The following KRCC1 variants were observed in gnomAD, a reference collection of about 807,000 sequenced individuals.
The protein encoded by KRCC1 is lysine-rich coiled-coil protein 1.
In KRCC1, 3 loss-of-function variants were observed where a neutral mutation model predicts 7.4. The observed-to-expected ratio is 0.40, with a 90% CI of 0.18 to 1.04. The LOEUF (loss-of-function observed/expected upper bound fraction) is 1.04, where lower values mean the gene tolerates loss of function less well. Among genes scored for constraint, KRCC1 ranks in the 50% least tolerant of loss-of-function variants. The pLI is 0.33. For missense variants in KRCC1, 277 were observed against 300.9 expected, an observed-to-expected ratio of 0.92 and a Z score of 0.59; for synonymous variants, 102 against 101.6, an observed-to-expected ratio of 1.00 and a Z score of -0.02.
At chr2:88,053,913 G>T (rs1467672759) in intron 1 of KRCC1, among the ~76,000 whole-genome samples, 1 of 152,160 alleles carries the variant, frequency 6.6e-6, no homozygotes, top group Non-Finnish European at 1.5e-5. Flanking sequence ...CTTTCACTCT[G>T]AAGACAAAAA....
At position 88,036,731 on chromosome 2, in the gene KRCC1, A is replaced by G. The variant is rs192381134; in HGVS notation, c.-182+212T>C. Among the ~76,000 whole-genome samples, 104 of 152,296 alleles carry G rather than the reference A, an allele frequency of 6.8e-4. No homozygotes were observed. The East Asian group carries it at 0.015, about 23-fold the overall frequency. ...GGATAAGGTAGAAGACAGAATGGAG[A>G]AAGGAAAAGAAAATGAGCTTCAGAA... On this transcript the variant is annotated intron_variant, in intron 2 of 3. Coordinates refer to ENST00000347055, the MANE Select transcript of KRCC1 (RefSeq NM_016618.3).
At chr2:88,051,006 C>T (rs1011413924) in intron 1 of KRCC1, among the ~76,000 whole-genome samples, 1 of 151,440 alleles carries the variant, frequency 6.6e-6, no homozygotes, top group Non-Finnish European at 1.5e-5. Context: ...TCACCGTAGC[C>T]TCGACCTCCT....
rs1409217669 is a variant in KRCC1 at position 88,034,233 on chromosome 2, T to TA, written c.-123dup. The TA allele has an allele frequency of 6.6e-6, 1 of 152,610 alleles. No individual in the cohort carries two copies. The highest frequency in any genetic ancestry group is 2.4e-5 in the African/African-American group (1 of 41,446). The allele number at this position is 152,610 out of a possible 1,614,324, so 9.5% of individuals were successfully genotyped here. ...TGAGACTACACAATAACTGGTGAGC[T>TA]AAAAACCACAATTCAGAGATCAAAA... On this transcript the variant is annotated 5_prime_UTR_variant, in exon 3 of 4. Coordinates refer to ENST00000347055, the MANE Select transcript of KRCC1 (RefSeq NM_016618.3).
chr2:88,027,987 T>G lies in KRCC1; in HGVS notation c.577A>C (p.Lys193Gln). The change falls in exon 4 of 4, where the codon AAG (lysine) becomes CAG (glutamine). Residue 193 changes from lysine to glutamine, a missense_variant. Physicochemically the swap from Lys to Gln is moderately conservative, Grantham distance 53 (BLOSUM62 1). Transcript: ENST00000347055. Reference sequence around the variant, plus strand: ...TCTGTTTTCTTTCTTTGGATGCTCTTGTGTTTGTCTAAGTCAATTTCCTCG... The same window carrying G: ...TCTGTTTTCTTTCTTTGGATGCTCTGGTGTTTGTCTAAGTCAATTTCCTCG... ...SCEEIDLDKH[K>Q]SIQRKKTEVE... 1 of 1,614,002 alleles carries G rather than the reference T, an allele frequency of 6.2e-7. No individual in the cohort carries two copies. Among genetic ancestry groups the G allele is most frequent in the Non-Finnish European group, 8.5e-7 (1 of 1,179,996 alleles).
chr2:88,027,907 C>T lies in KRCC1; in HGVS notation c.657G>A (p.Glu219=), dbSNP rs773170347. The part of the protein sequence containing the change: ...VSTEKLKNRK[E]KKSRDVVSKK... The stretch of plus-strand genomic sequence containing the variant: ...TAGAGACTACATCTCGGCTTTTTTT[C>T]TCCTTTCGATTCTTAAGCTTTTCTG... The change falls in exon 4 of 4, where the codon GAG becomes GAA. Residue 219 remains glutamate, a synonymous_variant. Transcript: ENST00000347055. 6.2e-7 allele frequency: 1 copy of T among 1,612,606 alleles called. No homozygotes were observed. Among genetic ancestry groups the T allele is most frequent in the Non-Finnish European group, 8.5e-7 (1 of 1,179,516 alleles).
At position 88,045,575 on chromosome 2, in the gene KRCC1, G is replaced by A. The variant is rs1452900124; in HGVS notation, c.-290-8524C>T. On this transcript the variant is annotated intron_variant, in intron 1 of 3. Transcript: ENST00000347055. The stretch of plus-strand genomic sequence containing the variant: ...TGCCCAGGGATAGAGGTAGAGGGGC[G>A]AATGGATTGTAAAGGGGCATAAGTA... Among the ~76,000 whole-genome samples, 5 of 152,054 alleles carry A rather than the reference G, an allele frequency of 3.3e-5. No individual in the cohort carries two copies. In the South Asian group the frequency reaches 6.2e-4, roughly 19 times the overall value.
At chr2:88,050,598 G>A (rs1558837485) in intron 1 of KRCC1, among the ~76,000 whole-genome samples, 1 of 152,102 alleles carries the variant, frequency 6.6e-6, no homozygotes, top group Non-Finnish European at 1.5e-5. Context: ...ACTCTAGCCT[G>A]GATGACAGAG....
At chr2:88,040,472 A>G (rs1186836062) in intron 1 of KRCC1, among the ~76,000 whole-genome samples, 1 of 152,202 alleles carries the variant, frequency 6.6e-6, no homozygotes, top group Non-Finnish European at 1.5e-5. Context: ...AAGGATAGGA[A>G]AAAAGAGATG....
chr2:88,050,857 G>GATTTTTGT (rs1375946751), intron 1 of KRCC1, among the ~76,000 whole-genome samples: 1 of 151,022 alleles, frequency 6.6e-6, no homozygotes, highest in Non-Finnish European at 1.5e-5. Flanking sequence ...TGTTTCTTTG[G>GATTTTTGT]ATTTTTGTGA....
chr2:88,029,834 A>AT (rs1491230285), intron 3 of KRCC1, among the ~76,000 whole-genome samples: 1,681 of 7,124 alleles, frequency 0.24, 23 homozygotes, highest in Non-Finnish European at 0.41. Context: ...ATATATATAT[A>AT]AAAAAATATA....
intron 3 of KRCC1, among the ~76,000 whole-genome samples, chr2:88,030,969 G>C (rs1051004459): frequency 6.6e-6 from 1 of 152,050 alleles, no homozygotes; most frequent in African/African-American, 2.4e-5. Flanking sequence ...TGGTATAAAC[G>C]AATCTACTAT....
intron 1 of KRCC1, among the ~76,000 whole-genome samples, chr2:88,052,827 G>C (rs184170214): frequency 2.6e-5 from 4 of 152,162 alleles, no homozygotes; most frequent in Non-Finnish European, 5.9e-5. Flanking sequence ...CTTTCATTGC[G>C]TGAAATGACC....
At chr2:88,039,943 T>C (rs990859068) in intron 1 of KRCC1, among the ~76,000 whole-genome samples, 1 of 151,676 alleles carries the variant, frequency 6.6e-6, no homozygotes, top group East Asian at 1.9e-4. Flanking sequence ...GCTGGGAGGA[T>C]TGCTTGAGAC....
intron 1 of KRCC1, among the ~76,000 whole-genome samples, chr2:88,047,150 C>G (rs887345434): frequency 9.9e-5 from 15 of 152,184 alleles, no homozygotes; most frequent in African/African-American, 3.6e-4. Flanking sequence ...CTAGATTTAC[C>G]AATCTGTTAC....
intron 3 of KRCC1, 43 bp from the exon 4 acceptor site, chr2:88,028,628 G>C: frequency 2.2e-6 from 2 of 927,502 alleles, no homozygotes; most frequent in Non-Finnish European, 3.2e-6. Flanking sequence ...ATCTTGTCCT[G>C]AGCATTTCCT....
At chr2:88,043,773 G>C (rs554690116) in intron 1 of KRCC1, among the ~76,000 whole-genome samples, 2 of 152,154 alleles carry the variant, frequency 1.3e-5, no homozygotes, top group Non-Finnish European at 2.9e-5. Flanking sequence ...GGGTTCAAGC[G>C]GTTCTCCTGC....
At position 88,027,822 on chromosome 2, in the gene KRCC1, C is replaced by T; in HGVS notation, c.742G>A (p.Glu248Lys). The T allele has an allele frequency of 3.7e-6, 6 of 1,602,584 alleles. No homozygotes were observed. The highest frequency in any genetic ancestry group is 5.1e-6 in the Non-Finnish European group (6 of 1,177,336). ...KKEQGQERTE[E>K]EMLWDQSILG... ...ATAGACTGGTCCCAAAGCATTTCCT[C>T]CTCTGTCCTTTCTTGGCCTTGTTCC... Residue 248 changes from glutamate to lysine, a missense_variant, in exon 4 of 4, where the codon GAG (glutamate) becomes AAG (lysine). Coordinates refer to ENST00000347055, the MANE Select transcript of KRCC1 (RefSeq NM_016618.3).
chr2:88,043,998 T>TA (rs1470020897), intron 1 of KRCC1, among the ~76,000 whole-genome samples: 1 of 152,124 alleles, frequency 6.6e-6, no homozygotes, highest in African/African-American at 2.4e-5. Flanking sequence ...TTTATCCTCA[T>TA]AAGAACTCTA....
intron 3 of KRCC1, among the ~76,000 whole-genome samples, chr2:88,028,796 G>A (rs1672937274): frequency 6.6e-6 from 1 of 151,936 alleles, no homozygotes; most frequent in Non-Finnish European, 1.5e-5. Flanking sequence ...GATTACAGGT[G>A]TGTGCCACCA....
Sources: allele counts gnomAD v4.1 joint callset (sites outside exome capture counted in the v4.1 genomes callset), GRCh38; gene constraint gnomAD v4.1.1; transcripts MANE v1.5; gene names NCBI Gene and HGNC (gene_info 2026-07-23, HGNC 2026-07-21).